The following LPP variants were observed in gnomAD, a reference collection of about 807,000 sequenced individuals.
LPP encodes the protein lipoma-preferred partner.
A neutral mutation model predicts 60.4 loss-of-function variants in LPP; 38 were observed. That is an observed-to-expected ratio of 0.63 (90% CI 0.49 to 0.83). The LOEUF (loss-of-function observed/expected upper bound fraction) is 0.83. Among genes scored for constraint, LPP ranks in the 40% least tolerant of loss-of-function variants. The pLI, the probability that LPP is intolerant of heterozygous loss-of-function variation, is 0.00. For synonymous variants in LPP, 328 were observed against 290.8 expected (o/e 1.13, Z -1.30); for missense variants, 902 against 783.6 (o/e 1.15, Z -1.80).
At chr3:188,761,188 T>G (rs1379256530) in intron 9 of LPP, among the ~76,000 whole-genome samples, 1 of 152,170 alleles carries the variant, frequency 6.6e-6, no homozygotes, top group Non-Finnish European at 1.5e-5. Flanking sequence ...TGCCCAGAGA[T>G]TTCAACATAA....
In LPP at chr3:188,685,339, T is replaced by C. The variant is rs564001064; in HGVS notation, c.1114-22928T>C. Among the ~76,000 whole-genome samples the C allele has an allele frequency of 2.2e-4, 34 of 152,162 alleles. No homozygotes were observed. In the South Asian group the frequency reaches 7.1e-3, roughly 32 times the overall value. Reference sequence around the variant, plus strand: ...ACAGAGAATGGCTGGCTGTTGGTGTTCACAGCCGTGAGCATAGTGTGGTCC... The same window carrying C: ...ACAGAGAATGGCTGGCTGTTGGTGTCCACAGCCGTGAGCATAGTGTGGTCC... On this transcript the variant is annotated intron_variant, in intron 7 of 11. Coordinates refer to ENST00000617246, the MANE Select transcript of LPP (RefSeq NM_001375462.1).
In LPP at chr3:188,352,980, A is replaced by G. The variant is rs1368360621; in HGVS notation, c.-10+11261A>G. 6.6e-6 allele frequency among the ~76,000 whole-genome samples: 1 copy of G among 152,168 alleles called. No individual in the cohort carries two copies. The highest frequency in any genetic ancestry group is 6.5e-5 in the Admixed American group (1 of 15,278). On this transcript the variant is annotated intron_variant, in intron 3 of 11. Coordinates refer to ENST00000617246, the MANE Select transcript of LPP (RefSeq NM_001375462.1). The surrounding 1 kb of genome is among the most constrained non-coding windows in gnomAD (Gnocchi z 4.4). ...TGGGTTCCTTGAGAAGTGAGTGCTT[A>G]AAGGGGCTGGGATAGATAATCATAA...
At chr3:188,650,507 G>C (rs1851876147) in intron 7 of LPP, among the ~76,000 whole-genome samples, 1 of 152,064 alleles carries the variant, frequency 6.6e-6, no homozygotes, top group South Asian at 2.1e-4. Context: ...CAGAGTCAAA[G>C]GTTGTGGACA....
rs139422680 is a variant in LPP at position 188,478,714 on chromosome 3, A to G, written c.194-5878A>G. Among the ~76,000 whole-genome samples the G allele has an allele frequency of 1.9e-3, 294 of 152,036 alleles. 1 individual carries two copies. Among genetic ancestry groups the G allele is most frequent in the African/African-American group, 6.6e-3 (273 of 41,468 alleles). On this transcript the variant is annotated intron_variant, in intron 4 of 11. Transcript: ENST00000617246. Reference sequence around the variant, plus strand: ...TTCGTACTATTTTCCTTTCAAACATATATTTTTTTCTGTATTAGTTACTAT... The same window carrying G: ...TTCGTACTATTTTCCTTTCAAACATGTATTTTTTTCTGTATTAGTTACTAT...
intron 4 of LPP, among the ~76,000 whole-genome samples, chr3:188,457,134 T>C (rs1797906826): frequency 6.6e-6 from 1 of 152,212 alleles, no homozygotes; most frequent in Non-Finnish European, 1.5e-5. Context: ...CCCCAGAATC[T>C]GGTCCTGCTC....
At chr3:188,230,360 A>G (rs1229058537) in intron 2 of LPP, among the ~76,000 whole-genome samples, 3 of 152,218 alleles carry the variant, frequency 2.0e-5, no homozygotes, top group African/African-American at 7.2e-5. Flanking sequence ...CTGGGATTAC[A>G]AGAAACATAT....
chr3:188,702,148 G>A (rs928422357), intron 7 of LPP, among the ~76,000 whole-genome samples: 2 of 151,330 alleles, frequency 1.3e-5, no homozygotes, highest in Admixed American at 1.3e-4. Context: ...AGTAGAGGTG[G>A]GATTTCACCA....
At chr3:188,527,401 G>C (rs1204651587) in intron 6 of LPP, among the ~76,000 whole-genome samples, 1 of 147,848 alleles carries the variant, frequency 6.8e-6, no homozygotes, top group South Asian at 2.2e-4. Flanking sequence ...GTTTCCTACA[G>C]ACAGCGTGTA....
chr3:188,749,786 CA>C (rs1238880771), intron 8 of LPP, among the ~76,000 whole-genome samples: 2 of 152,144 alleles, frequency 1.3e-5, no homozygotes, highest in Non-Finnish European at 2.9e-5. Context: ...AATTTATTTT[CA>C]GTCTTTATAT....
At chr3:188,843,362 T>A (rs1447982059) in intron 9 of LPP, among the ~76,000 whole-genome samples, 1 of 152,140 alleles carries the variant, frequency 6.6e-6, no homozygotes, top group Non-Finnish European at 1.5e-5. Flanking sequence ...CGAGTTCAAG[T>A]GGCAGCTCTG....
At chr3:188,469,441 T>G (rs1184398470) in intron 4 of LPP, among the ~76,000 whole-genome samples, 1 of 152,106 alleles carries the variant, frequency 6.6e-6, no homozygotes, top group Non-Finnish European at 1.5e-5. Context: ...CAATAGCTTG[T>G]TTATGTCTTG....
At chr3:188,664,673 C>T (rs1385712707) in intron 7 of LPP, among the ~76,000 whole-genome samples, 4 of 151,874 alleles carry the variant, frequency 2.6e-5, no homozygotes, top group African/African-American at 9.7e-5. Context: ...CCCATTGCCA[C>T]AATCTTTTAA....
intron 5 of LPP, among the ~76,000 whole-genome samples, chr3:188,488,390 G>A (rs1201375866): frequency 7.8e-6 from 1 of 127,416 alleles, no homozygotes; most frequent in East Asian, 2.0e-4. Flanking sequence ...ATGCAACTTG[G>A]AAAACAGGGG....
chr3:188,494,382 C>T lies in LPP; in HGVS notation c.306+9678C>T, dbSNP rs74962417. Among the ~76,000 whole-genome samples the T allele has an allele frequency of 7.0e-3, 1,073 of 152,276 alleles. 15 individuals are homozygous for T. The highest frequency in any genetic ancestry group is 0.025 in the African/African-American group (1,042 of 41,564). ...ATTTCCTCCCTCATTGTGTTTTCAT[C>T]GGTGACTTTGCTTCTCAATGACACA... On this transcript the variant is annotated intron_variant, in intron 5 of 11. Coordinates refer to ENST00000617246, the MANE Select transcript of LPP (RefSeq NM_001375462.1).
At chr3:188,613,068 G>A (rs779068760) in intron 7 of LPP, among the ~76,000 whole-genome samples, 30 of 152,140 alleles carry the variant, frequency 2.0e-4, no homozygotes, top group Non-Finnish European at 4.0e-4. Flanking sequence ...TACCATCTGA[G>A]CAGAGTTCCT....
At chr3:188,505,445 A>G (rs779491364) in intron 5 of LPP, among the ~76,000 whole-genome samples, 21 of 152,086 alleles carry the variant, frequency 1.4e-4, no homozygotes, top group Non-Finnish European at 2.8e-4. Flanking sequence ...CTCTAATAAG[A>G]TCAACTTTGA....
chr3:188,254,017 G>C (rs1172523900), intron 2 of LPP, among the ~76,000 whole-genome samples: 2 of 152,154 alleles, frequency 1.3e-5, no homozygotes, highest in Non-Finnish European at 2.9e-5. Context: ...TGCTACCTGA[G>C]TCAGTGACTG....
At chr3:188,327,422 C>G (rs1385484581) in intron 2 of LPP, among the ~76,000 whole-genome samples, 1 of 147,838 alleles carries the variant, frequency 6.8e-6, no homozygotes, top group Non-Finnish European at 1.5e-5. Context: ...CTTAATGGAT[C>G]CTTATATTGG....
chr3:188,886,719 AACACACACACACACACATAC>A lies in LPP; in HGVS notation c.*12258_*12277del, dbSNP rs916503147. ...GATCATACAATTGTATTGTCTTCAAAACACACACACACACACATACACACACACACACACACACACACACA... is the reference window on the plus strand; with the variant it reads ...GATCATACAATTGTATTGTCTTCAAAACACACACACACACACACACACACA... On this transcript the variant is annotated 3_prime_UTR_variant, in exon 12 of 12. Transcript: ENST00000617246. 8 of 153,726 alleles carry A rather than the reference AACACACACACACACACATAC, an allele frequency of 5.2e-5. No homozygotes were observed. Among genetic ancestry groups the A allele is most frequent in the Admixed American group, 2.2e-4 (2 of 8,982 alleles). 9.5% of individuals were successfully genotyped at this position (153,726 alleles called of 1,614,324 possible). A position where few individuals can be genotyped will look rare whatever the true frequency, so the allele number is the denominator to read the frequency against.
Sources: gnomAD v4.1 joint callset for allele counts (sites outside exome capture counted in the v4.1 genomes callset) on GRCh38, gnomAD v4.1.1 for gene constraint, Gnocchi (gnomAD v3.1) non-coding constraint, MANE v1.5 for transcripts, NCBI Gene and HGNC (gene_info 2026-07-23, HGNC 2026-07-21) for gene names.